The following ZC3H11A variants were observed in gnomAD, a reference collection of about 807,000 sequenced individuals.
ZC3H11A encodes the protein zinc finger CCCH domain-containing protein 11A.
Under a neutral mutation model 90.8 loss-of-function variants are expected in ZC3H11A, and 22 were observed. The observed-to-expected ratio is 0.24, with a 90% confidence interval of 0.17 to 0.35. ZC3H11A has a LOEUF of 0.35. Among genes scored for constraint, ZC3H11A ranks in the 10% least tolerant of loss-of-function variants. The pLI is 1.00. For missense variants in ZC3H11A, 701 were observed against 964.9 expected, an observed-to-expected ratio of 0.73 and a Z score of 3.62; for synonymous variants, 294 against 339.8, an observed-to-expected ratio of 0.87 and a Z score of 1.48.
chr1:203,799,262 T>A (rs1389878353), intron 1 of ZC3H11A: 3 of 757,986 alleles, frequency 4.0e-6, no homozygotes, highest in Non-Finnish European at 6.9e-6. Flanking sequence ...GTTTTACCCA[T>A]GTGCCATGCT....
At chr1:203,827,572 C>T (rs1680949999) in intron 4 of ZC3H11A, among the ~76,000 whole-genome samples, 5 of 151,822 alleles carry the variant, frequency 3.3e-5, no homozygotes. Flanking sequence ...GTCCCAGCTA[C>T]TCTGGAGGCT....
At position 203,831,758 on chromosome 1, in the gene ZC3H11A, C is replaced by T. The variant is rs141612045; in HGVS notation, c.798C>T (p.Leu266=). 2 of 1,611,808 alleles carry T rather than the reference C, an allele frequency of 1.2e-6. No homozygotes were observed. The highest frequency in any genetic ancestry group is 2.2e-5 in the East Asian group (1 of 44,872). Residue 266 remains leucine, a synonymous_variant, in exon 9 of 18, where the codon CTC becomes CTT. Transcript: ENST00000367210. ...GGACTGTGGTGAGGACAGTAACTCT[C>T]TCCACCAAACAAGGTAAGGTATAGA... ...NVRTVVRTVT[L]STKQGEEPLV...
At chr1:203,821,105 C>T (rs1678513314) in intron 4 of ZC3H11A, among the ~76,000 whole-genome samples, 1 of 152,120 alleles carries the variant, frequency 6.6e-6, no homozygotes, top group African/African-American at 2.4e-5. Flanking sequence ...GTGATTGGAT[C>T]ATGGGGGCGG....
intron 9 of ZC3H11A, 38 bp from the exon 10 acceptor site, chr1:203,833,753 T>C: frequency 6.3e-7 from 1 of 1,583,434 alleles, no homozygotes; most frequent in Non-Finnish European, 8.6e-7. Flanking sequence ...ACAGAAAAAT[T>C]GACTAAGGAT....
intron 10 of ZC3H11A, among the ~76,000 whole-genome samples, chr1:203,836,332 TCATA>T: frequency 6.6e-6 from 1 of 152,362 alleles, no homozygotes; most frequent in Non-Finnish European, 1.5e-5. Flanking sequence ...AGAGAAACAA[TCATA>T]CTCTGTGTAG....
intron 2 of ZC3H11A, among the ~76,000 whole-genome samples, chr1:203,808,491 A>C (rs902772149): frequency 1.3e-5 from 2 of 152,180 alleles, no homozygotes; most frequent in African/African-American, 4.8e-5. Flanking sequence ...AAGTCCATCA[A>C]ATTTAAGGAA....
At chr1:203,803,265 C>T (rs1671077987) in intron 2 of ZC3H11A, among the ~76,000 whole-genome samples, 1 of 152,072 alleles carries the variant, frequency 6.6e-6, no homozygotes, top group Non-Finnish European at 1.5e-5. Context: ...CATCTTGGCT[C>T]ACTGCAACCT....
chr1:203,798,624 T>A, intron 1 of ZC3H11A: 1 of 1,536,146 alleles, frequency 6.5e-7, no homozygotes, highest in Non-Finnish European at 8.7e-7. Context: ...TGACTCTGAT[T>A]CAGATGAACC....
In ZC3H11A at chr1:203,847,626, C is replaced by G. The variant is rs1688229950; in HGVS notation, c.1485C>G (p.Ser495=). 6.2e-7 allele frequency: 1 copy of G among 1,613,226 alleles called. No homozygotes were observed. Among genetic ancestry groups the G allele is most frequent in the South Asian group, 1.1e-5 (1 of 91,072 alleles). Reference sequence around the variant, plus strand: ...AGAGCTCTGAGAGCAGCACCAGCTCCCCGTCTCAACACGAGGCCACTCCAG... The same window carrying G: ...AGAGCTCTGAGAGCAGCACCAGCTCGCCGTCTCAACACGAGGCCACTCCAG... ...VQQSSESSTS[S]PSQHEATPGA... The change falls in exon 13 of 18, where the codon TCC becomes TCG. Residue 495 remains serine (S), a synonymous_variant. Coordinates refer to ENST00000367210, the MANE Select transcript of ZC3H11A (RefSeq NM_001376342.1).
At chr1:203,798,729 G>A (rs1277269014) in intron 1 of ZC3H11A, 1 of 1,536,138 alleles carries the variant, frequency 6.5e-7, no homozygotes, top group South Asian at 1.2e-5. Context: ...AACATGTTGT[G>A]GAAATCCAGT....
At chr1:203,812,577 A>ATT (rs1216704914) in intron 2 of ZC3H11A, among the ~76,000 whole-genome samples, 9 of 94,512 alleles carry the variant, frequency 9.5e-5, no homozygotes, top group South Asian at 6.0e-4. Flanking sequence ...AGCCATTCTA[A>ATT]ATTTTTTTTT....
In ZC3H11A at chr1:203,847,327, A is replaced by C; in HGVS notation, c.1186A>C (p.Arg396=). The C allele has an allele frequency of 6.2e-7, 1 of 1,614,008 alleles. No individual in the cohort carries two copies. The highest frequency in any genetic ancestry group is 8.5e-7 in the Non-Finnish European group (1 of 1,179,872). ...SKTDDSTSGA[R]SSSTIRIKTF... ...AACTGATGATTCTACTTCAGGAGCA[A>C]GAAGCTCCTCCACTATCCGTATCAA... The change falls in exon 13 of 18, where the codon AGA becomes CGA. Residue 396 remains arginine (R), a synonymous_variant. Transcript: ENST00000367210.
intron 2 of ZC3H11A, among the ~76,000 whole-genome samples, chr1:203,811,837 T>A (rs1034802851): frequency 6.6e-6 from 1 of 151,382 alleles, no homozygotes; most frequent in African/African-American, 2.4e-5. Context: ...TTTTTTTTTT[T>A]AGACAGGTCT....
intron 12 of ZC3H11A, among the ~76,000 whole-genome samples, chr1:203,843,263 T>G (rs573986658): frequency 6.6e-6 from 1 of 152,340 alleles, no homozygotes; most frequent in East Asian, 1.9e-4. Context: ...AAATACTGAT[T>G]CAGTAAATAC....
intron 4 of ZC3H11A, among the ~76,000 whole-genome samples, chr1:203,823,503 C>T (rs571134788): frequency 6.6e-6 from 1 of 152,160 alleles, no homozygotes; most frequent in Non-Finnish European, 1.5e-5. Context: ...CAGCATTAAC[C>T]ATATTGTTTG....
At chr1:203,810,236 A>T (rs1322621065) in intron 2 of ZC3H11A, among the ~76,000 whole-genome samples, 1 of 151,660 alleles carries the variant, frequency 6.6e-6, no homozygotes, top group African/African-American at 2.4e-5. Flanking sequence ...TTGGTCTCTC[A>T]AAGTGTTAGG....
At chr1:203,830,339 T>C (rs1681851222) in intron 8 of ZC3H11A, 136 bp downstream of exon 8, 5 of 713,654 alleles carry the variant, frequency 7.0e-6, no homozygotes, top group Middle Eastern at 2.5e-4. Flanking sequence ...CACAGACTTA[T>C]TTAAATTGTG....
At chr1:203,811,765 A>G (rs1374913954) in intron 2 of ZC3H11A, among the ~76,000 whole-genome samples, 1 of 150,622 alleles carries the variant, frequency 6.6e-6, no homozygotes, top group Non-Finnish European at 1.5e-5. Context: ...TTTATTATTA[A>G]ACTTTTTCCT....
Position 203,828,344 on chromosome 1 carries a change from G to C in ZC3H11A, c.220G>C (p.Gly74Arg). 6.2e-7 allele frequency: 1 copy of C among 1,614,080 alleles called. No homozygotes were observed. Among genetic ancestry groups the C allele is most frequent in the African/African-American group, 1.3e-5 (1 of 75,060 alleles). The change falls in exon 5 of 18, where the codon GGA becomes CGA. Residue 74 changes from glycine (G) to arginine (R), a missense_variant. This residue lies in a region of ZC3H11A where 59 missense variants were observed against 132.8 expected (regional missense o/e 0.44). Transcript: ENST00000367210. Reference sequence around the variant, plus strand: ...TTGTTATTGGGAAAATCAGCCAACAGGATGTCAAAAATTAAACTGCGCTTT... The same window carrying C: ...TTGTTATTGGGAAAATCAGCCAACACGATGTCAAAAATTAAACTGCGCTTT... ...IPCYWENQPTGCQKLNCAFHH... is the reference protein window; with the variant it reads ...IPCYWENQPTRCQKLNCAFHH...
Sources: allele counts gnomAD v4.1 joint callset (sites outside exome capture counted in the v4.1 genomes callset), GRCh38; gene constraint gnomAD v4.1.1; regional missense constraint gnomAD v4.1.1; transcripts MANE v1.5; gene names NCBI Gene and HGNC (gene_info 2026-07-23, HGNC 2026-07-21).